The following CCDC171 variants were observed in gnomAD, a reference collection of about 807,000 sequenced individuals.
CCDC171 encodes coiled-coil domain containing 171, also known as coiled-coil domain-containing protein 171.
In CCDC171, 177 loss-of-function variants were observed where a neutral mutation model predicts 168.2. The ratio of observed to expected loss-of-function variants is 1.05; its 90% confidence interval spans 0.93 to 1.19. CCDC171 has a LOEUF of 1.19. CCDC171 is among the 50% of genes most tolerant of loss of function. CCDC171 has a pLI of 0.00. For missense variants in CCDC171, 1,991 were observed against 1,539.0 expected (o/e 1.29, Z -4.91); for synonymous variants, 687 against 540.8 (o/e 1.27, Z -3.75).
chr9:15,827,739 T>A (rs2060073793), intron 21 of CCDC171, among the ~76,000 whole-genome samples: 1 of 152,190 alleles, frequency 6.6e-6, no homozygotes. Context: ...CCCTAGATTA[T>A]GTTTCTTTTA....
At chr9:15,586,296 C>G (rs1208430323) in intron 4 of CCDC171, among the ~76,000 whole-genome samples, 1 of 152,146 alleles carries the variant, frequency 6.6e-6, no homozygotes, top group African/African-American at 2.4e-5. Context: ...ATACTTTCAA[C>G]TTTCTGTGTT....
chr9:15,936,836 C>A (rs1564026701), intron 25 of CCDC171, among the ~76,000 whole-genome samples: 1 of 151,962 alleles, frequency 6.6e-6, no homozygotes, highest in Non-Finnish European at 1.5e-5. Flanking sequence ...TATTAGCTAA[C>A]CTTGGACTGA....
intron 18 of CCDC171, among the ~76,000 whole-genome samples, chr9:15,753,629 G>A (rs1018099940): frequency 6.6e-6 from 1 of 152,074 alleles, no homozygotes; most frequent in Non-Finnish European, 1.5e-5. Context: ...CAAGTAGAAG[G>A]TGGTGTCTTT....
intron 3 of CCDC171, among the ~76,000 whole-genome samples, chr9:15,991,294 T>A (rs1244687525): frequency 6.6e-6 from 1 of 152,030 alleles, no homozygotes; most frequent in Non-Finnish European, 1.5e-5. Context: ...ACCGCTCAAC[T>A]ACATGGAAAC....
chr9:15,645,163 A>G (rs1277544934), intron 7 of CCDC171, among the ~76,000 whole-genome samples: 2 of 152,376 alleles, frequency 1.3e-5, no homozygotes, highest in East Asian at 1.9e-4. Flanking sequence ...AAACTCCAAC[A>G]GACCTGCAGC....
chr9:15,624,230 A>T (rs931599496), intron 7 of CCDC171, among the ~76,000 whole-genome samples: 1 of 152,160 alleles, frequency 6.6e-6, no homozygotes, highest in African/African-American at 2.4e-5. Flanking sequence ...TGAATAGTAA[A>T]ATCAACTTTG....
At chr9:15,969,133 T>C (rs1564086631) in intron 25 of CCDC171, among the ~76,000 whole-genome samples, 1 of 152,144 alleles carries the variant, frequency 6.6e-6, no homozygotes, top group Non-Finnish European at 1.5e-5. Context: ...TAATTTGAAA[T>C]ACTAGGGAAA....
intron 10 of CCDC171, 36 bp downstream of exon 10, chr9:15,678,932 T>G (rs1236210187): frequency 6.7e-7 from 1 of 1,484,634 alleles, no homozygotes; most frequent in East Asian, 2.3e-5. Flanking sequence ...GGAAATCACT[T>G]TATTAGGTCA....
At chr9:15,637,505 C>A (rs2046288081) in intron 7 of CCDC171, among the ~76,000 whole-genome samples, 1 of 151,386 alleles carries the variant, frequency 6.6e-6, no homozygotes, top group Non-Finnish European at 1.5e-5. Flanking sequence ...TTTTAGGGTA[C>A]ATGTGCACAA....
chr9:15,587,369 G>C (rs748226890), intron 4 of CCDC171, among the ~76,000 whole-genome samples: 2 of 152,084 alleles, frequency 1.3e-5, no homozygotes, highest in African/African-American at 4.8e-5. Context: ...GAGATCTGAT[G>C]GTTTTAAAAA....
intron 7 of CCDC171, among the ~76,000 whole-genome samples, chr9:15,646,675 G>A (rs989427504): frequency 1.5e-4 from 23 of 152,144 alleles, no homozygotes; most frequent in African/African-American, 5.3e-4. Context: ...TAATGGTAAA[G>A]GGATCAATTC....
intron 24 of CCDC171, among the ~76,000 whole-genome samples, chr9:15,891,506 C>T (rs536038428): frequency 2.2e-4 from 34 of 152,156 alleles, no homozygotes; most frequent in Admixed American, 1.4e-3. Context: ...AACAGACACA[C>T]GGGAGGTGCT....
At chr9:15,603,666 G>T (rs1228123317) in intron 6 of CCDC171, among the ~76,000 whole-genome samples, 1 of 152,136 alleles carries the variant, frequency 6.6e-6, no homozygotes. Context: ...TGGGCATTTG[G>T]GTTGATTCCA....
chr9:15,874,448 C>A, intron 23 of CCDC171, 84 bp from the exon 24 acceptor site: 1 of 1,211,558 alleles, frequency 8.3e-7, no homozygotes, highest in Non-Finnish European at 1.1e-6. Flanking sequence ...TGCAAGTCCA[C>A]TCAGTGGGCT....
At chr9:16,050,089 G>T (rs2133069372) in intron 1 of CCDC171, among the ~76,000 whole-genome samples, 1 of 152,224 alleles carries the variant, frequency 6.6e-6, no homozygotes, top group East Asian at 1.9e-4. Flanking sequence ...GTTTTGCCAT[G>T]TTGGCCAGGC....
intron 22 of CCDC171, 75 bp from the exon 23 acceptor site, chr9:15,848,818 T>A (rs1354684570): frequency 2.1e-5 from 15 of 729,944 alleles, no homozygotes; most frequent in Non-Finnish European, 3.2e-5. Context: ...TTAATACCAG[T>A]GACTTATACT....
the CCDC171 span, among the ~76,000 whole-genome samples, chr9:16,100,570 T>A: frequency 3.9e-5 from 6 of 152,142 alleles, no homozygotes; most frequent in Non-Finnish European, 5.9e-5. Flanking sequence ...GCCACTTGAG[T>A]GTCCAAATAA....
chr9:16,076,262 G>A, the CCDC171 span, among the ~76,000 whole-genome samples: 3 of 152,108 alleles, frequency 2.0e-5, no homozygotes, highest in Non-Finnish European at 4.4e-5. Flanking sequence ...CAGAGGTTAC[G>A]TGGGCAAGTG....
intron 6 of CCDC171, among the ~76,000 whole-genome samples, chr9:15,611,313 A>T (rs2043672701): frequency 6.6e-6 from 1 of 152,216 alleles, no homozygotes; most frequent in Non-Finnish European, 1.5e-5. Context: ...ATTTCTTTAT[A>T]GCCATGCAGG....
Sources: gnomAD v4.1 joint callset for allele counts (sites outside exome capture counted in the v4.1 genomes callset) on GRCh38, gnomAD v4.1.1 for gene constraint, MANE v1.5 for transcripts, NCBI Gene and HGNC (gene_info 2026-07-23, HGNC 2026-07-21) for gene names.